Variants in NUDT8 observed in about 807,000 individuals in gnomAD.
NUDT8 encodes the protein mitochondrial coenzyme A diphosphatase NUDT8.
NUDT8 carries 14 observed loss-of-function variants against 12.5 expected under a neutral mutation model. The ratio of observed to expected loss-of-function variants is 1.12; its 90% CI spans 0.74 to 1.75. The LOEUF (loss-of-function observed/expected upper bound fraction) is 1.75, where lower values mean the gene tolerates loss of function less well. Ranked by LOEUF, NUDT8 falls within the 40% of genes most tolerant of loss-of-function variation. The probability of loss-of-function intolerance (pLI) is 0.00; values close to 1 mark genes in which losing one functional copy is unlikely to be tolerated. For missense variants in NUDT8, 337 were observed against 318.5 expected, an observed-to-expected ratio of 1.06 and a Z score of -0.44; for synonymous variants, 163 against 156.2, an observed-to-expected ratio of 1.04 and a Z score of -0.33.
At position 67,628,072 on chromosome 11, in the gene NUDT8, A is replaced by G. The variant is rs749314189; in HGVS notation, c.585T>C (p.Pro195=). 1.3e-6 allele frequency: 2 copies of G among 1,598,294 alleles called. No homozygotes were observed. The highest frequency in any genetic ancestry group is 1.7e-6 in the Non-Finnish European group (2 of 1,179,780). Residue 195 remains proline, a synonymous_variant, in exon 4 of 4, where the codon CCT becomes CCC. Transcript: ENST00000376693. ...ITEFALQLLA[P]GTYQPRLAGL... is the part of the protein sequence containing the mutation. ...CGGCCAGGCGGGGCTGGTAGGTACC[A>G]GGTGCCAGCAGCTGCAGGGCAAACT...
rs367738376 is a variant in NUDT8 at position 67,629,741 on chromosome 11, G to C, written c.171C>G (p.Thr57=). 12 of 1,541,856 alleles carry C rather than the reference G, an allele frequency of 7.8e-6. No homozygotes were observed. The East Asian group carries it at 2.9e-4, about 38-fold the overall frequency. The change falls in exon 1 of 4, where the codon ACC becomes ACG. Residue 57 remains threonine, a synonymous_variant. Transcript: ENST00000376693. ...ACCTGACGTCGCCCTTGTGCCTCCC[G>C]GTCAGGCGGCTGGACCGCAGCGTGT... is the stretch of plus-strand genomic sequence containing the variant. ...LLYTLRSSRL[T]GRHKGDVSFP...
At chr11:67,628,546 G>A in intron 2 of NUDT8, 146 bp from the exon 3 acceptor site, 4 of 693,760 alleles carry the variant, frequency 5.8e-6, no homozygotes, top group Non-Finnish European at 9.8e-6. Flanking sequence ...CTCCAGCCAT[G>A]CTGACTGACT....
Position 67,629,829 on chromosome 11 carries a change from C to T in NUDT8, c.83G>A (p.Arg28Gln). ...CACGAGCACCGCGGCCGACGCGGGC[C>T]GCGCGCGGAGCCGGGCCGTGGCCCC... is the stretch of plus-strand genomic sequence containing the variant. ...LAGATARLRA[R>Q]PASAAVLVPL... The change falls in exon 1 of 4, where the codon CGG (arginine) becomes CAG (glutamine). Residue 28 changes from arginine to glutamine, a missense_variant. Coordinates refer to ENST00000376693, the MANE Select transcript of NUDT8 (RefSeq NM_001243750.2). The T allele has an allele frequency of 2.2e-6, 3 of 1,377,258 alleles. No individual in the cohort carries two copies. Among genetic ancestry groups the T allele is most frequent in the Non-Finnish European group, 2.8e-6 (3 of 1,066,036 alleles). The allele number at this position is 1,377,258 out of a possible 1,614,324, so 85.3% of individuals were successfully genotyped here.
rs1361103076 is a variant in NUDT8 at position 67,628,235 on chromosome 11, G to A, written c.422C>T (p.Ala141Val). ...CTGCAGCAGGTGGGCCAGCGGCAGTGCAAACACCTCATCTACCTGCAGGCA... is the reference window on the plus strand; with the variant it reads ...CTGCAGCAGGTGGGCCAGCGGCAGTACAAACACCTCATCTACCTGCAGGCA... Reference protein sequence around the residue: ...PNSEEVDEVFALPLAHLLQTQ... With the variant: ...PNSEEVDEVFVLPLAHLLQTQ... Residue 141 changes from alanine (A) to valine (V), a missense_variant, in exon 4 of 4, where the codon GCA becomes GTA. Ala to Val is a moderately conservative substitution (Grantham distance 64). Coordinates refer to ENST00000376693, the MANE Select transcript of NUDT8 (RefSeq NM_001243750.2). 5.0e-6 allele frequency: 8 copies of A among 1,612,960 alleles called. No homozygotes were observed. In the East Asian group the frequency reaches 8.9e-5, roughly 18 times the overall value.
rs1001868996 is a variant in NUDT8, at chr11:67,629,855, T to A, written c.57A>T (p.Ala19=). 16 of 1,262,458 alleles carry A rather than the reference T, an allele frequency of 1.3e-5. No individual in the cohort carries two copies. Among genetic ancestry groups the A allele is most frequent in the Non-Finnish European group, 1.6e-5 (16 of 1,011,442 alleles). 78.2% of individuals were successfully genotyped at this position (1,262,458 alleles called of 1,614,324 possible). Residue 19 remains alanine, a synonymous_variant, in exon 1 of 4, where the codon GCA becomes GCT. Coordinates refer to ENST00000376693, the MANE Select transcript of NUDT8 (RefSeq NM_001243750.2). ...EGELRCRRLL[A]GATARLRARP... is the part of the protein sequence containing the mutation. ...GCGCGCGGAGCCGGGCCGTGGCCCC[T>A]GCCAGCAGCCGGCGGCAGCGCAGCT... is the stretch of plus-strand genomic sequence containing the variant.
chr11:67,628,455 TG>T lies in NUDT8; in HGVS notation c.328-56del, dbSNP rs976411247. ...CATGGCCTTCGCTGGGTTTGAAGGC[TG>T]GGGAGGGGAGTGTGAGAGGAAGACC... On this transcript the variant is annotated intron_variant, in intron 2 of 3. Coordinates refer to ENST00000376693, the MANE Select transcript of NUDT8 (RefSeq NM_001243750.2). The T allele has an allele frequency of 1.4e-5, 21 of 1,494,580 alleles. No homozygotes were observed. The African/African-American group carries it at 2.5e-4, about 18-fold the overall frequency. The allele number at this position is 1,494,580 out of a possible 1,614,324, so 92.6% of individuals were successfully genotyped here. A position where few individuals can be genotyped will look rare whatever the true frequency, so the allele number is the denominator to read the frequency against.
In NUDT8 at chr11:67,628,092, C is replaced by A. The variant is rs1416718188; in HGVS notation, c.565G>T (p.Ala189Ser). 7.5e-6 allele frequency: 12 copies of A among 1,598,394 alleles called. No individual in the cohort carries two copies. The highest frequency in any genetic ancestry group is 1.3e-5 in the African/African-American group (1 of 74,932). ...GTACCAGGTGCCAGCAGCTGCAGGG[C>A]AAACTCAGTGATGACAGCTGTGAGG... The part of the protein sequence containing the change: ...WGLTAVITEF[A>S]LQLLAPGTYQ... Residue 189 changes from alanine to serine, a missense_variant, in exon 4 of 4, where the codon GCC becomes TCC. Physicochemically the swap from Ala to Ser is moderately conservative, Grantham distance 99. Coordinates refer to ENST00000376693, the MANE Select transcript of NUDT8 (RefSeq NM_001243750.2).
At position 67,629,900 on chromosome 11, in the gene NUDT8, G is replaced by C. The variant is rs1407659352; in HGVS notation, c.12C>G (p.Asp4Glu). Reference sequence around the variant, plus strand: ...GCAGCTCGCCCTCGGCCGACAGGCAGTCGGGCAGCATGTCAAGTCCTGCGC... The same window carrying C: ...GCAGCTCGCCCTCGGCCGACAGGCACTCGGGCAGCATGTCAAGTCCTGCGC... MLP[D>E]CLSAEGELRC... The change falls in exon 1 of 4, where the codon GAC (aspartate) becomes GAG (glutamate). Residue 4 changes from aspartate (D) to glutamate (E), a missense_variant. By Grantham distance (45) the Asp-to-Glu change is conservative. Transcript: ENST00000376693. 11 of 1,236,978 alleles carry C rather than the reference G, an allele frequency of 8.9e-6. No individual in the cohort carries two copies. Among genetic ancestry groups the C allele is most frequent in the African/African-American group, 1.6e-5 (1 of 63,758 alleles). 76.6% of individuals were successfully genotyped at this position (1,236,978 alleles called of 1,614,324 possible). A position where few individuals can be genotyped will look rare whatever the true frequency, so the allele number is the denominator to read the frequency against.
rs1855150568 is a variant in NUDT8 at position 67,628,404 on chromosome 11, G to A, written c.328-4C>T. 6.2e-7 allele frequency: 1 copy of A among 1,613,054 alleles called. No individual in the cohort carries two copies. Among genetic ancestry groups the A allele is most frequent in the Admixed American group, 1.7e-5 (1 of 59,968 alleles). On this transcript the variant is annotated splice_region_variant and splice_polypyrimidine_tract_variant and intron_variant, in intron 2 of 3. Coordinates refer to ENST00000376693, the MANE Select transcript of NUDT8 (RefSeq NM_001243750.2). ...CTGGCACCACGGTGGCCTTTTGCTG[G>A]GGAAGAGGGCAGGTGGTCAGGGAAG...
chr11:67,629,045 T>C lies in NUDT8; in HGVS notation c.201A>G (p.Pro67=), dbSNP rs965481506. 1 of 1,610,648 alleles carries C rather than the reference T, an allele frequency of 6.2e-7. No individual in the cohort carries two copies. Among genetic ancestry groups the C allele is most frequent in the Non-Finnish European group, 8.5e-7 (1 of 1,178,462 alleles). The change falls in exon 2 of 4, where the codon CCA becomes CCG. Residue 67 remains proline (P), a synonymous_variant. Transcript: ENST00000376693. ...TGRHKGDVSF[P]GGKCDPADQD... ...GGTCAGCCGGGTCGCACTTGCCGCCTGGGAAACTAAACAGACACAAGGAGT... is the reference window on the plus strand; with the variant it reads ...GGTCAGCCGGGTCGCACTTGCCGCCCGGGAAACTAAACAGACACAAGGAGT...
At chr11:67,628,782 C>T in intron 2 of NUDT8, 137 bp downstream of exon 2, 3 of 1,134,690 alleles carry the variant, frequency 2.6e-6, no homozygotes, top group Non-Finnish European at 3.8e-6. Context: ...TGCATGTGAC[C>T]AGGCAGGTTA....
chr11:67,629,226 G>T, intron 1 of NUDT8, 175 bp from the exon 2 acceptor site: 1 of 617,086 alleles, frequency 1.6e-6, no homozygotes, highest in Non-Finnish European at 2.8e-6. Flanking sequence ...ACCTCCCTGA[G>T]CAATGGGGAT....
Position 67,628,197 on chromosome 11 carries a change from C to G in NUDT8, c.460G>C (p.Gly154Arg). The change falls in exon 4 of 4, where the codon GGC becomes CGC. Residue 154 changes from glycine (G) to arginine (R), a missense_variant. By Grantham distance (125) the Gly-to-Arg change is moderately radical. Coordinates refer to ENST00000376693, the MANE Select transcript of NUDT8 (RefSeq NM_001243750.2). ...LAHLLQTQNQ[G>R]YTHFCRGGHF... The stretch of plus-strand genomic sequence containing the variant: ...CCACCCCGGCAGAAGTGGGTATAGC[C>G]CTGATTCTGCGTCTGCAGCAGGTGG... 3.7e-6 allele frequency: 6 copies of G among 1,611,272 alleles called. No homozygotes were observed. The highest frequency in any genetic ancestry group is 5.1e-6 in the Non-Finnish European group (6 of 1,179,836).
intron 1 of NUDT8, 142 bp downstream of exon 1, chr11:67,629,576 T>C: frequency 4.6e-6 from 2 of 434,226 alleles, no homozygotes; most frequent in Non-Finnish European, 8.0e-6. Context: ...CTGCAGCCCT[T>C]GGGCGGAGGG....
At chr11:67,629,296 C>T (rs1235621256) in intron 1 of NUDT8, 2 of 454,006 alleles carry the variant, frequency 4.4e-6, no homozygotes, top group Non-Finnish European at 7.8e-6. Context: ...GCAAGAAGAT[C>T]CTGGGGCTCA....
intron 1 of NUDT8, 102 bp from the exon 2 acceptor site, chr11:67,629,153 T>C: frequency 7.8e-7 from 1 of 1,279,704 alleles, no homozygotes; most frequent in Non-Finnish European, 1.1e-6. Flanking sequence ...AAGTGTCGCC[T>C]GCCTCTGCCC....
intron 2 of NUDT8, 43 bp downstream of exon 2, chr11:67,628,876 G>C (rs1171109247): frequency 1.3e-6 from 2 of 1,579,448 alleles, no homozygotes; most frequent in South Asian, 2.3e-5. Flanking sequence ...GGCAGGCACA[G>C]AGTGAGTGAA....
At chr11:67,628,536 C>T in intron 2 of NUDT8, 136 bp from the exon 3 acceptor site, 1 of 726,008 alleles carries the variant, frequency 1.4e-6, no homozygotes, top group Non-Finnish European at 2.3e-6. Context: ...TGCCTGTGTC[C>T]TCCAGCCATG....
At chr11:67,629,252 G>A (rs561077067) in intron 1 of NUDT8, 9 of 569,820 alleles carry the variant, frequency 1.6e-5, no homozygotes, top group African/African-American at 1.3e-4. Flanking sequence ...AGAGAGGCCC[G>A]GGACAGCGCA....
Sources: allele counts gnomAD v4.1 joint callset, GRCh38; gene constraint gnomAD v4.1.1; transcripts MANE v1.5; gene names NCBI Gene and HGNC (gene_info 2026-07-23, HGNC 2026-07-21).